The following GEMIN5 variants were observed in gnomAD, a reference collection of about 807,000 sequenced individuals.
GEMIN5 encodes the protein gem nuclear organelle associated protein 5.
A neutral mutation model predicts 176.9 loss-of-function variants in GEMIN5; 124 were observed. The ratio of observed to expected loss-of-function variants is 0.70; its 90% CI spans 0.61 to 0.81. The LOEUF is 0.81. Ranked by LOEUF, GEMIN5 falls within the 40% of genes least tolerant of loss-of-function variation. The pLI is 0.00. For missense variants in GEMIN5, 1,843 were observed against 1,814.6 expected (o/e 1.02, Z -0.28); for synonymous variants, 673 against 665.2 (o/e 1.01, Z -0.18).
At position 154,896,018 on chromosome 5, in the gene GEMIN5, C is replaced by T. The variant is rs563204406; in HGVS notation, c.3597+74G>A. ...CAGTCCAGTATTCTGCTTGTTTCCC[C>T]GTTACAATAGACATGGATTAAGGAA... On this transcript the variant is annotated intron_variant, in intron 24 of 27. Transcript: ENST00000285873. 7.2e-6 allele frequency: 11 copies of T among 1,535,960 alleles called. 1 individual carries two copies. Among genetic ancestry groups the T allele is most frequent in the East Asian group, 4.5e-5 (2 of 44,358 alleles).
chr5:154,902,270 C>T, intron 20 of GEMIN5, among the ~76,000 whole-genome samples: 1 of 152,250 alleles, frequency 6.6e-6, no homozygotes, highest in South Asian at 2.1e-4. Context: ...AGACTTGTGC[C>T]ATTATATCTT....
rs776629984 is a variant in GEMIN5 at position 154,919,959 on chromosome 5, G to T, written c.1599+8C>A. 5 of 1,611,896 alleles carry T rather than the reference G, an allele frequency of 3.1e-6. No homozygotes were observed. The highest frequency in any genetic ancestry group is 1.3e-5 in the African/African-American group (1 of 74,936). ...AAAAGAAAATACTTCAGGACCACAAGAACTCACTTTGATTGAATTGGTGTC... is the reference window on the plus strand; with the variant it reads ...AAAAGAAAATACTTCAGGACCACAATAACTCACTTTGATTGAATTGGTGTC... On this transcript the variant is annotated splice_region_variant and intron_variant, in intron 11 of 27. Transcript: ENST00000285873.
intron 3 of GEMIN5, among the ~76,000 whole-genome samples, chr5:154,934,296 C>T (rs1269601359): frequency 1.3e-5 from 2 of 152,162 alleles, no homozygotes; most frequent in East Asian, 3.9e-4. Context: ...AAGTGATCCT[C>T]CTGCCTCAGC....
rs116063578 is a variant in GEMIN5 at position 154,916,230 on chromosome 5, T to C, written c.1855+768A>G. Among the ~76,000 whole-genome samples, 1,181 of 152,076 alleles carry C rather than the reference T, an allele frequency of 7.8e-3. 10 individuals are homozygous for C. The highest frequency in any genetic ancestry group is 0.028 in the African/African-American group (1,142 of 41,490). ...AACAGCAAGATAGATCCTTGTGTAC[T>C]GACATAAAAAGATGTCCATGATAAA... On this transcript the variant is annotated intron_variant, in intron 13 of 27. Transcript: ENST00000285873.
In GEMIN5 at chr5:154,937,482, T is replaced by C. The variant is rs139679779; in HGVS notation, c.167-297A>G. Among the ~76,000 whole-genome samples, 114 of 152,334 alleles carry C rather than the reference T, an allele frequency of 7.5e-4. 1 individual carries two copies. The highest frequency in any genetic ancestry group is 2.6e-3 in the African/African-American group (107 of 41,570). On this transcript the variant is annotated intron_variant, in intron 1 of 27. Coordinates refer to ENST00000285873, the MANE Select transcript of GEMIN5 (RefSeq NM_015465.5). Reference sequence around the variant, plus strand: ...TCAAATAATGTGAAAGTGACTCTTATTTAGATGTGGCCAGAATAAATCACC... The same window carrying C: ...TCAAATAATGTGAAAGTGACTCTTACTTAGATGTGGCCAGAATAAATCACC...
At chr5:154,893,072 G>C (rs1459507289) in intron 24 of GEMIN5, among the ~76,000 whole-genome samples, 1 of 151,778 alleles carries the variant, frequency 6.6e-6, no homozygotes, top group Non-Finnish European at 1.5e-5. Context: ...ACTCCAGTCT[G>C]AGCATGAGAG....
chr5:154,905,677 G>C (rs1479827629), intron 16 of GEMIN5, among the ~76,000 whole-genome samples: 1 of 151,310 alleles, frequency 6.6e-6, no homozygotes, highest in Middle Eastern at 3.2e-3. Flanking sequence ...CTGTTTTCAG[G>C]AATCTGTAAG....
chr5:154,909,960 C>T (rs981815011), intron 15 of GEMIN5, among the ~76,000 whole-genome samples: 3 of 147,502 alleles, frequency 2.0e-5, no homozygotes, highest in Non-Finnish European at 3.0e-5. Context: ...GCCTGGGTGA[C>T]AGAGTAAGAC....
intron 18 of GEMIN5, 72 bp downstream of exon 18, chr5:154,904,435 T>A (rs939408015): frequency 1.2e-4 from 159 of 1,286,446 alleles, no homozygotes; most frequent in Non-Finnish European, 1.7e-4. Flanking sequence ...ATTCATTTAA[T>A]AAATAAGTAA....
At chr5:154,921,698 A>T (rs773507192) in intron 9 of GEMIN5, among the ~76,000 whole-genome samples, 3 of 152,156 alleles carry the variant, frequency 2.0e-5, no homozygotes, top group Non-Finnish European at 2.9e-5. Context: ...AAAAAATGTT[A>T]CTCTTACCCA....
chr5:154,930,069 A>G (rs1218124986), intron 5 of GEMIN5, among the ~76,000 whole-genome samples: 1 of 152,048 alleles, frequency 6.6e-6, no homozygotes, highest in Non-Finnish European at 1.5e-5. Context: ...TTTTTCGATT[A>G]CCTGCTCCAT....
intron 16 of GEMIN5, among the ~76,000 whole-genome samples, chr5:154,905,837 C>T (rs1250002175): frequency 6.6e-6 from 1 of 152,018 alleles, no homozygotes; most frequent in African/African-American, 2.4e-5. Context: ...GTAGCTGGCA[C>T]AAGCCACCAT....
chr5:154,928,347 T>A (rs916165364), intron 6 of GEMIN5, among the ~76,000 whole-genome samples, 180 bp downstream of exon 6: 1 of 152,256 alleles, frequency 6.6e-6, no homozygotes, highest in African/African-American at 2.4e-5. Context: ...CGGACTATAC[T>A]TATGTGATCT....
intron 13 of GEMIN5, among the ~76,000 whole-genome samples, chr5:154,913,700 C>T (rs1763752843): frequency 1.3e-5 from 2 of 151,990 alleles, no homozygotes; most frequent in African/African-American, 4.8e-5. Flanking sequence ...ACCTATAGTC[C>T]CAGCTACATA....
chr5:154,907,741 A>C lies in GEMIN5; in HGVS notation c.2245T>G (p.Leu749Val). The C allele has an allele frequency of 1.2e-6, 2 of 1,614,148 alleles. No homozygotes were observed. Among genetic ancestry groups the C allele is most frequent in the Non-Finnish European group, 1.7e-6 (2 of 1,180,016 alleles). The change falls in exon 16 of 28, where the codon TTG becomes GTG. Residue 749 changes from leucine (L) to valine (V), a missense_variant. Transcript: ENST00000285873. ...AKPKKKKKPT[L>V]RTPVKLESID... ...GATTCCAGCTTTACAGGAGTTCTCA[A>C]GGTGGGCTTTTTCTTCTTTTTGGGC...
At chr5:154,933,683 TA>T (rs1055531884) in intron 3 of GEMIN5, among the ~76,000 whole-genome samples, 2 of 151,990 alleles carry the variant, frequency 1.3e-5, no homozygotes, top group African/African-American at 4.8e-5. Context: ...CAGCTTTATT[TA>T]TTTTTTTTTT....
chr5:154,909,981 G>GAA (rs113442614), intron 15 of GEMIN5, among the ~76,000 whole-genome samples: 45 of 143,512 alleles, frequency 3.1e-4, no homozygotes, highest in African/African-American at 5.8e-4. Flanking sequence ...TCCGTTTCAA[G>GAA]AAAAAAAAAA....
At position 154,917,161 on chromosome 5, in the gene GEMIN5, C is replaced by G. The variant is rs1344747024; in HGVS notation, c.1692G>C (p.Gln564His). ...TACAGATCAGTTTCAGGTTGGGAAT[C>G]TGAAATATTTCTATTGATCTGGAAT... Reference protein sequence around the residue: ...GNEDGSIEIFQIPNLKLICTI... With the variant: ...GNEDGSIEIFHIPNLKLICTI... Residue 564 changes from glutamine to histidine, a missense_variant, in exon 13 of 28, where the codon CAG becomes CAC. Coordinates refer to ENST00000285873, the MANE Select transcript of GEMIN5 (RefSeq NM_015465.5). 3.3e-6 allele frequency: 5 copies of G among 1,495,318 alleles called. No homozygotes were observed. Among genetic ancestry groups the G allele is most frequent in the Non-Finnish European group, 4.5e-6 (5 of 1,105,728 alleles). The allele number at this position is 1,495,318 out of a possible 1,614,324, so 92.6% of individuals were successfully genotyped here. A position where few individuals can be genotyped will look rare whatever the true frequency, so the allele number is the denominator to read the frequency against.
At position 154,926,074 on chromosome 5, in the gene GEMIN5, C is replaced by T; in HGVS notation, c.1081G>A (p.Val361Ile). Residue 361 changes from valine to isoleucine, a missense_variant and splice_region_variant, in exon 8 of 28, where the codon GTA becomes ATA. Physicochemically the swap from Val to Ile is conservative, Grantham distance 29. Coordinates refer to ENST00000285873, the MANE Select transcript of GEMIN5 (RefSeq NM_015465.5). ...AAGGTGGCTATGTCCCAACATTTTA[C>T]CTGCAAAGATTAACGGTAAGGGCCT... is the stretch of plus-strand genomic sequence containing the variant. ...LLLSTSMDRD[V>I]KCWDIATLEC... The T allele has an allele frequency of 6.3e-7, 1 of 1,599,100 alleles. No individual in the cohort carries two copies. The highest frequency in any genetic ancestry group is 8.6e-7 in the Non-Finnish European group (1 of 1,166,592).
Sources: gnomAD v4.1 joint callset for allele counts (sites outside exome capture counted in the v4.1 genomes callset) on GRCh38, gnomAD v4.1.1 for gene constraint, MANE v1.5 for transcripts, NCBI Gene and HGNC (gene_info 2026-07-23, HGNC 2026-07-21) for gene names.